Variants in LRRC7 observed in about 807,000 individuals in gnomAD.
LRRC7 encodes the protein leucine-rich repeat-containing protein 7.
In LRRC7, 23 loss-of-function variants were observed where a neutral mutation model predicts 175.7. The observed-to-expected ratio is 0.13, with a 90% CI of 0.09 to 0.19. The LOEUF is 0.19. Ranked by LOEUF, LRRC7 falls within the 10% of genes least tolerant of loss-of-function variation. The pLI, the probability that LRRC7 is intolerant of heterozygous loss-of-function variation, is 1.00. For synonymous variants in LRRC7, 685 were observed against 680.9 expected (o/e 1.01, Z -0.09); for missense variants, 1,354 against 1,904.7 (o/e 0.71, Z 5.38).
In LRRC7 at chr1:69,761,316, A is replaced by C. The variant is rs559523928; in HGVS notation, c.303+923A>C. The stretch of plus-strand genomic sequence containing the variant: ...TAAATATGCAGTAATCAGAAAAAGA[A>C]TCTTCCACAATAAAAACTTGAAATT... On this transcript the variant is annotated intron_variant, in intron 3 of 26. Coordinates refer to ENST00000651989, the MANE Select transcript of LRRC7 (RefSeq NM_001370785.2). 2.0e-5 allele frequency among the ~76,000 whole-genome samples: 3 copies of C among 152,186 alleles called. No homozygotes were observed. In the South Asian group the frequency reaches 6.2e-4, roughly 32 times the overall value.
At chr1:69,740,273 C>T (rs574935924) in intron 2 of LRRC7, among the ~76,000 whole-genome samples, 9 of 152,170 alleles carry the variant, frequency 5.9e-5, no homozygotes, top group African/African-American at 1.9e-4. Flanking sequence ...TCTGAAGCCT[C>T]TTTCCATGGT....
At chr1:69,999,171 A>G (rs750041513) in intron 11 of LRRC7, among the ~76,000 whole-genome samples, 1 of 152,210 alleles carries the variant, frequency 6.6e-6, no homozygotes, top group Non-Finnish European at 1.5e-5. Flanking sequence ...AAATGTTGAG[A>G]AAACTGAGCT....
intron 7 of LRRC7, among the ~76,000 whole-genome samples, chr1:69,881,465 C>A (rs564771073): frequency 6.6e-6 from 1 of 152,090 alleles, no homozygotes; most frequent in Non-Finnish European, 1.5e-5. Context: ...AACTAATATG[C>A]GTATAGCTGT....
chr1:70,006,901 CA>C (rs1363959677), intron 11 of LRRC7, among the ~76,000 whole-genome samples: 2 of 152,146 alleles, frequency 1.3e-5, no homozygotes, highest in East Asian at 3.8e-4. Flanking sequence ...GCCACATGAA[CA>C]GGTACAAAAG....
At chr1:69,770,512 T>C (rs902196578) in intron 3 of LRRC7, among the ~76,000 whole-genome samples, 3 of 152,202 alleles carry the variant, frequency 2.0e-5, no homozygotes, top group African/African-American at 7.2e-5. Flanking sequence ...TGAATGATCA[T>C]TGATTATTTT....
At chr1:69,808,030 G>A (rs1282655565) in intron 4 of LRRC7, among the ~76,000 whole-genome samples, 2 of 151,378 alleles carry the variant, frequency 1.3e-5, no homozygotes, top group Admixed American at 6.6e-5. Flanking sequence ...TTGTCTTCAT[G>A]ATTTACTTCA....
chr1:69,710,339 A>G (rs1664615850), intron 2 of LRRC7, among the ~76,000 whole-genome samples: 1 of 151,732 alleles, frequency 6.6e-6, no homozygotes, highest in Non-Finnish European at 1.5e-5. Flanking sequence ...CCCAGAGCAG[A>G]GAAAGGCAGA....
intron 4 of LRRC7, among the ~76,000 whole-genome samples, chr1:69,808,401 A>T (rs1203768630): frequency 6.6e-6 from 1 of 152,014 alleles, no homozygotes; most frequent in Admixed American, 6.6e-5. Context: ...TCTGCTCTGG[A>T]CCAAGCGCAC....
intron 3 of LRRC7, among the ~76,000 whole-genome samples, chr1:69,782,616 A>C (rs961138760): frequency 2.6e-5 from 4 of 152,336 alleles, no homozygotes; most frequent in African/African-American, 9.6e-5. Context: ...GAGAAGGGCC[A>C]GGGAAAAGGG....
At chr1:69,636,108 G>A (rs1018198968) in intron 1 of LRRC7, among the ~76,000 whole-genome samples, 1 of 151,832 alleles carries the variant, frequency 6.6e-6, no homozygotes, top group East Asian at 1.9e-4. Context: ...TGGTTTCAAA[G>A]AATCTACCAT....
chr1:69,766,963 G>A (rs947745149), intron 3 of LRRC7, among the ~76,000 whole-genome samples: 77 of 152,220 alleles, frequency 5.1e-4, no homozygotes, highest in African/African-American at 1.7e-3. Flanking sequence ...GAATTGCACA[G>A]CCGTCATCAC....
intron 2 of LRRC7, among the ~76,000 whole-genome samples, chr1:69,755,892 G>A (rs1431065695): frequency 1.3e-5 from 2 of 151,872 alleles, no homozygotes; most frequent in Non-Finnish European, 2.9e-5. Context: ...TAGCTTTTGA[G>A]GGTTTCATTC....
intron 8 of LRRC7, among the ~76,000 whole-genome samples, chr1:69,972,025 G>T (rs1652288845): frequency 6.6e-6 from 1 of 152,122 alleles, no homozygotes; most frequent in South Asian, 2.1e-4. Context: ...AGTGGAGAAA[G>T]GACACCTTAT....
At chr1:69,849,874 C>T (rs1160942626) in intron 7 of LRRC7, among the ~76,000 whole-genome samples, 1 of 152,074 alleles carries the variant, frequency 6.6e-6, no homozygotes, top group African/African-American at 2.4e-5. Flanking sequence ...AGGTGTCAGA[C>T]ACTATTCTCA....
chr1:69,764,408 G>T (rs1671373979), intron 3 of LRRC7, among the ~76,000 whole-genome samples: 1 of 151,934 alleles, frequency 6.6e-6, no homozygotes, highest in African/African-American at 2.4e-5. Context: ...GCCAACATAT[G>T]ACTAAAATTG....
intron 10 of LRRC7, among the ~76,000 whole-genome samples, chr1:69,990,363 A>G (rs572220542): frequency 3.3e-5 from 5 of 152,152 alleles, no homozygotes; most frequent in Non-Finnish European, 2.9e-5. Flanking sequence ...ACCTTTGATT[A>G]CTCTAGAGAA....
At chr1:69,890,166 G>A (rs1356152209) in intron 7 of LRRC7, among the ~76,000 whole-genome samples, 1 of 152,054 alleles carries the variant, frequency 6.6e-6, no homozygotes, top group Non-Finnish European at 1.5e-5. Context: ...AATTTACTTT[G>A]CCCAGGTCCA....
chr1:69,908,849 G>A (rs958632338), intron 7 of LRRC7, among the ~76,000 whole-genome samples: 4 of 148,910 alleles, frequency 2.7e-5, no homozygotes, highest in African/African-American at 7.5e-5. Flanking sequence ...CTCGTTGTCG[G>A]GTCTAATGTT....
At chr1:70,118,901 A>G (rs548640854) in intron 26 of LRRC7, among the ~76,000 whole-genome samples, 1 of 152,182 alleles carries the variant, frequency 6.6e-6, no homozygotes, top group South Asian at 2.1e-4. Flanking sequence ...AATGTTCTAC[A>G]TATTGGGCTC....
Sources: allele counts gnomAD v4.1 joint callset (sites outside exome capture counted in the v4.1 genomes callset), GRCh38; gene constraint gnomAD v4.1.1; transcripts MANE v1.5; gene names NCBI Gene and HGNC (gene_info 2026-07-23, HGNC 2026-07-21).